The following SCFD2 variants were observed in gnomAD, a reference collection of about 807,000 sequenced individuals.
The protein encoded by SCFD2 is sec1 family domain containing 2, also known as sec1 family domain-containing protein 2.
SCFD2 carries 54 observed loss-of-function variants against 58.9 expected under a neutral mutation model. That is an observed-to-expected ratio of 0.92 (90% CI 0.74 to 1.15). The LOEUF is 1.15. Ranked by LOEUF, SCFD2 falls within the 50% of genes most tolerant of loss-of-function variation. SCFD2 has a pLI of 0.00. For missense variants in SCFD2, 805 were observed against 836.6 expected, an observed-to-expected ratio of 0.96 and a Z score of 0.47; for synonymous variants, 321 against 335.9, an observed-to-expected ratio of 0.96 and a Z score of 0.49.
chr4:53,181,867 CAGAG>C (rs1370972080), intron 4 of SCFD2, among the ~76,000 whole-genome samples: 1 of 152,136 alleles, frequency 6.6e-6, no homozygotes, highest in Non-Finnish European at 1.5e-5. Context: ...CAATAACAGA[CAGAG>C]AGCCAAATCA....
chr4:53,207,493 T>TACACACACA (rs1491426799), intron 4 of SCFD2, among the ~76,000 whole-genome samples: 1 of 12,860 alleles, frequency 7.8e-5, no homozygotes, highest in African/African-American at 3.2e-4. Context: ...TATATATATT[T>TACACACACA]CATATATATA....
intron 4 of SCFD2, among the ~76,000 whole-genome samples, chr4:53,183,546 A>G (rs1380290393): frequency 1.3e-5 from 2 of 152,190 alleles, no homozygotes; most frequent in African/African-American, 4.8e-5. Context: ...AGATATACCT[A>G]ATACTAAATG....
chr4:53,347,659 C>A (rs975938293), intron 2 of SCFD2, among the ~76,000 whole-genome samples: 1 of 152,146 alleles, frequency 6.6e-6, no homozygotes, highest in African/African-American at 2.4e-5. Context: ...ACTTTAAGAG[C>A]CAAAGCCCTG....
chr4:53,114,322 C>T (rs1725259129), intron 5 of SCFD2, among the ~76,000 whole-genome samples: 2 of 152,090 alleles, frequency 1.3e-5, no homozygotes, highest in African/African-American at 2.4e-5. Context: ...AAAACAGATG[C>T]ACATGGAGGT....
At chr4:53,298,828 CA>C (rs1461593688) in intron 3 of SCFD2, among the ~76,000 whole-genome samples, 1 of 152,072 alleles carries the variant, frequency 6.6e-6, no homozygotes, top group East Asian at 1.9e-4. Context: ...GATACCCAGG[CA>C]AAAAGGGTCT....
At chr4:52,906,417 G>A (rs1202499487) in intron 7 of SCFD2, among the ~76,000 whole-genome samples, 1 of 152,200 alleles carries the variant, frequency 6.6e-6, no homozygotes, top group Non-Finnish European at 1.5e-5. Flanking sequence ...ACCATGAAGG[G>A]CTACTCAGGA....
chr4:53,053,086 G>A (rs1350796785), intron 5 of SCFD2, among the ~76,000 whole-genome samples: 1 of 152,060 alleles, frequency 6.6e-6, no homozygotes, highest in African/African-American at 2.4e-5. Flanking sequence ...TTAGCCAAGT[G>A]TGATGGCACA....
In SCFD2 at chr4:53,255,942, G is replaced by A. The variant is rs570687136; in HGVS notation, c.1311+17884C>T. Among the ~76,000 whole-genome samples the A allele has an allele frequency of 7.9e-4, 114 of 144,536 alleles. No homozygotes were observed. The Middle Eastern group carries it at 0.013, about 16-fold the overall frequency. The allele number at this position is 144,536 out of a possible 152,430, so 94.8% of individuals were successfully genotyped here. On this transcript the variant is annotated intron_variant, in intron 4 of 8. Transcript: ENST00000401642. ...CGGGCAGAGGCGCCCCTCACCTCCCGGATGGGGTGGCTGGCCGGGTGGGGG... is the reference window on the plus strand; with the variant it reads ...CGGGCAGAGGCGCCCCTCACCTCCCAGATGGGGTGGCTGGCCGGGTGGGGG...
chr4:52,953,897 C>T lies in SCFD2; in HGVS notation c.1562-33027G>A, dbSNP rs957554140. Among the ~76,000 whole-genome samples the T allele has an allele frequency of 3.9e-4, 59 of 152,214 alleles. 1 individual carries two copies. The highest frequency in any genetic ancestry group is 3.9e-3 in the Admixed American group (59 of 15,286). On this transcript the variant is annotated intron_variant, in intron 5 of 8. Coordinates refer to ENST00000401642, the MANE Select transcript of SCFD2 (RefSeq NM_152540.4). Reference sequence around the variant, plus strand: ...ACTTGTTGATTCTTGTTTGGTCAAACACCATTTTATAGTGGAGTGGCTGAG... The same window carrying T: ...ACTTGTTGATTCTTGTTTGGTCAAATACCATTTTATAGTGGAGTGGCTGAG...
chr4:53,309,089 C>T lies in SCFD2; in HGVS notation c.1135+4547G>A, dbSNP rs541414205. On this transcript the variant is annotated intron_variant, in intron 3 of 8. Transcript: ENST00000401642. ...CGGAGGTTGCAGTGAGCCGAGATCA[C>T]GCCACTGCACTCCAGCCTGGGCGAC... 1.3e-4 allele frequency among the ~76,000 whole-genome samples: 20 copies of T among 151,830 alleles called. 1 individual carries two copies. In the South Asian group the frequency reaches 4.0e-3, roughly 30 times the overall value.
chr4:53,109,166 C>A lies in SCFD2; in HGVS notation c.1561+36167G>T, dbSNP rs973470374. Among the ~76,000 whole-genome samples, 4 of 152,042 alleles carry A rather than the reference C, an allele frequency of 2.6e-5. No individual in the cohort carries two copies. In the East Asian group the frequency reaches 5.8e-4, roughly 22 times the overall value. On this transcript the variant is annotated intron_variant, in intron 5 of 8. Transcript: ENST00000401642. ...AAAAGGCCTTCGATAAAATTCAACA[C>A]CCCTTCATGCTAAAAACTCTCCATA...
chr4:53,249,683 G>T (rs576017848), intron 4 of SCFD2, among the ~76,000 whole-genome samples: 4 of 152,256 alleles, frequency 2.6e-5, no homozygotes, highest in African/African-American at 9.6e-5. Flanking sequence ...TTTCAACCCA[G>T]AATTTCATAT....
chr4:53,365,682 T>G lies in SCFD2; in HGVS notation c.260A>C (p.Glu87Ala). The change falls in exon 1 of 9, where the codon GAG (glutamate) becomes GCG (alanine). Residue 87 changes from glutamate to alanine, a missense_variant. Glu to Ala is a moderately radical substitution (Grantham distance 107). Transcript: ENST00000401642. The surrounding 1 kb of genome is among the most constrained non-coding windows in gnomAD (Gnocchi z 4.3). ...GCGGCAGATGATGTCCCGTAGGATCTCCACGGTCCGGCCTTTCAGCAGGCA... is the reference window on the plus strand; with the variant it reads ...GCGGCAGATGATGTCCCGTAGGATCGCCACGGTCCGGCCTTTCAGCAGGCA... ...LSCLLKGRTV[E>A]ILRDIICRSH... The G allele has an allele frequency of 6.2e-7, 1 of 1,614,186 alleles. No homozygotes were observed. The highest frequency in any genetic ancestry group is 8.5e-7 in the Non-Finnish European group (1 of 1,180,024).
intron 4 of SCFD2, among the ~76,000 whole-genome samples, chr4:53,215,919 T>G (rs1317926370): frequency 1.3e-5 from 2 of 152,170 alleles, no homozygotes; most frequent in Non-Finnish European, 2.9e-5. Context: ...GTTTTTGTCT[T>G]TGGTTCTGTT....
intron 5 of SCFD2, among the ~76,000 whole-genome samples, chr4:53,079,101 A>G (rs1192852111): frequency 2.0e-5 from 3 of 152,180 alleles, no homozygotes; most frequent in Non-Finnish European, 4.4e-5. Context: ...GAACCAGGAA[A>G]GCTGGTGGTG....
intron 4 of SCFD2, among the ~76,000 whole-genome samples, chr4:53,189,968 C>A (rs1355452266): frequency 1.3e-5 from 2 of 152,136 alleles, no homozygotes; most frequent in Admixed American, 6.5e-5. Context: ...TCTTTTGGGA[C>A]TTATTTTCAA....
intron 5 of SCFD2, among the ~76,000 whole-genome samples, chr4:53,010,838 G>T (rs1475068468): frequency 6.6e-6 from 1 of 152,110 alleles, no homozygotes; most frequent in East Asian, 1.9e-4. Flanking sequence ...ACGTTCCTCA[G>T]ATCCCAAATA....
At chr4:53,018,144 G>C (rs1300116673) in intron 5 of SCFD2, among the ~76,000 whole-genome samples, 1 of 152,080 alleles carries the variant, frequency 6.6e-6, no homozygotes, top group Non-Finnish European at 1.5e-5. Context: ...TTTATTTACT[G>C]TTTCAACCCC....
At chr4:53,244,819 T>TG (rs1553890822) in intron 4 of SCFD2, among the ~76,000 whole-genome samples, 2 of 113,066 alleles carry the variant, frequency 1.8e-5, no homozygotes, top group African/African-American at 6.7e-5. Flanking sequence ...GGGGTATTTC[T>TG]GAAAAAAAAA....
Sources: allele counts gnomAD v4.1 joint callset (sites outside exome capture counted in the v4.1 genomes callset), GRCh38; gene constraint gnomAD v4.1.1; non-coding constraint Gnocchi (gnomAD v3.1); transcripts MANE v1.5; gene names NCBI Gene and HGNC (gene_info 2026-07-23, HGNC 2026-07-21).